PLB1: variants seen among roughly 807,000 people sequenced by gnomAD.
PLB1 encodes phospholipase B1.
In PLB1, 242 loss-of-function variants were observed where a neutral mutation model predicts 227.4. That is an observed-to-expected ratio of 1.06 (90% CI 0.96 to 1.18). PLB1 has a LOEUF of 1.18. Ranked by LOEUF, PLB1 falls within the 50% of genes most tolerant of loss-of-function variation. The pLI is 0.00. For synonymous variants in PLB1, 757 were observed against 682.2 expected (o/e 1.11, Z -1.71); for missense variants, 1,858 against 1,816.3 (o/e 1.02, Z -0.42).
chr2:28,588,526 C>T (rs1426988693), intron 26 of PLB1, among the ~76,000 whole-genome samples: 1 of 152,148 alleles, frequency 6.6e-6, no homozygotes, highest in Non-Finnish European at 1.5e-5. Context: ...ACCCCATTCA[C>T]ATTCCCAGGT....
intron 8 of PLB1, among the ~76,000 whole-genome samples, chr2:28,529,982 T>C (rs1670808438): frequency 1.3e-5 from 2 of 152,124 alleles, no homozygotes; most frequent in African/African-American, 4.8e-5. Context: ...TTTATTTTTA[T>C]TTATTTATTT....
At chr2:28,601,398 T>A (rs1407407457) in intron 37 of PLB1, 66 bp downstream of exon 37, 1 of 1,385,344 alleles carries the variant, frequency 7.2e-7, no homozygotes, top group African/African-American at 1.4e-5. Context: ...TTGGAGATCT[T>A]CCCTGAGAAC....
chr2:28,621,074 T>C (rs1686989696), intron 49 of PLB1, 96 bp downstream of exon 49: 2 of 1,002,374 alleles, frequency 2.0e-6, no homozygotes, highest in African/African-American at 3.2e-5. Context: ...AGAAGCCTGG[T>C]CCCAGGGGCA....
At chr2:28,515,450 G>T (rs1194709194) in intron 1 of PLB1, among the ~76,000 whole-genome samples, 1 of 152,150 alleles carries the variant, frequency 6.6e-6, no homozygotes, top group East Asian at 1.9e-4. Context: ...TTCCCGTCAT[G>T]TGGCCCTTTC....
intron 26 of PLB1, among the ~76,000 whole-genome samples, chr2:28,588,701 C>T (rs1019494101): frequency 1.3e-5 from 2 of 152,090 alleles, no homozygotes; most frequent in Non-Finnish European, 2.9e-5. Context: ...GATCTGAGAG[C>T]CTCAAAGAAG....
chr2:28,582,360 C>A, intron 24 of PLB1, 45 bp from the exon 25 acceptor site: 1 of 1,554,934 alleles, frequency 6.4e-7, no homozygotes, highest in Non-Finnish European at 8.8e-7. Context: ...AGGTGAAAGG[C>A]TGCCCAGCCT....
intron 9 of PLB1, 148 bp downstream of exon 9, chr2:28,532,342 ATG>A: frequency 7.5e-6 from 4 of 530,838 alleles, no homozygotes; most frequent in Non-Finnish European, 1.3e-5. Flanking sequence ...GGATGGATGG[ATG>A]GATAGATGGA....
At chr2:28,580,494 T>G (rs1477604554) in intron 23 of PLB1, among the ~76,000 whole-genome samples, 3 of 152,138 alleles carry the variant, frequency 2.0e-5, no homozygotes, top group Non-Finnish European at 4.4e-5. Context: ...GCAGGCAGAT[T>G]ACCTGAGGTC....
At position 28,530,821 on chromosome 2, in the gene PLB1, A is replaced by T. The variant is rs60845163; in HGVS notation, c.468+1042A>T. 8.0e-3 allele frequency among the ~76,000 whole-genome samples: 1,226 copies of T among 152,380 alleles called. 21 individuals are homozygous for T. The highest frequency in any genetic ancestry group is 0.028 in the African/African-American group (1,172 of 41,592). ...GAAGGTCATTCTAAGGCATATAAGG[A>T]CAGGGATTAGAGCAGGAGCTACACC... On this transcript the variant is annotated intron_variant, in intron 8 of 57. Transcript: ENST00000327757.
intron 25 of PLB1, among the ~76,000 whole-genome samples, chr2:28,583,433 C>T (rs930828000): frequency 6.6e-6 from 1 of 151,010 alleles, no homozygotes; most frequent in African/African-American, 2.5e-5. Context: ...ATCCACCCTC[C>T]TCGGCCTCCC....
chr2:28,585,691 C>T (rs773307215), intron 25 of PLB1, 70 bp from the exon 26 acceptor site: 19 of 1,244,082 alleles, frequency 1.5e-5, no homozygotes, highest in East Asian at 7.0e-5. Flanking sequence ...CTCAAGCCAG[C>T]GTTTCTGCAT....
At chr2:28,532,771 T>C (rs1297740427) in intron 9 of PLB1, among the ~76,000 whole-genome samples, 2 of 152,192 alleles carry the variant, frequency 1.3e-5, no homozygotes, top group Non-Finnish European at 2.9e-5. Flanking sequence ...TGAATTCTAT[T>C]TGTGGTGGGA....
Position 28,604,763 on chromosome 2 carries a change from T to C in PLB1, c.2961+4T>C, listed in dbSNP as rs768248390. On this transcript the variant is annotated splice_donor_region_variant and intron_variant, in intron 41 of 57. Transcript: ENST00000327757. Reference sequence around the variant, plus strand: ...CATCCAGCTCCCTGTCCTGGCGGTATGTCCCCTGCCCTCACCCATGGTACT... The same window carrying C: ...CATCCAGCTCCCTGTCCTGGCGGTACGTCCCCTGCCCTCACCCATGGTACT... The C allele has an allele frequency of 3.7e-6, 6 of 1,613,380 alleles. No homozygotes were observed. In the South Asian group the frequency reaches 6.6e-5, roughly 18 times the overall value.
At chr2:28,547,465 C>G (rs932543211) in intron 14 of PLB1, among the ~76,000 whole-genome samples, 1 of 152,234 alleles carries the variant, frequency 6.6e-6, no homozygotes, top group Admixed American at 6.5e-5. Context: ...ATCTGATTCT[C>G]TTTCAGTCTG....
chr2:28,606,044 G>A, intron 42 of PLB1, 96 bp downstream of exon 42: 1 of 937,376 alleles, frequency 1.1e-6, no homozygotes, highest in African/African-American at 1.7e-5. Context: ...AGGCTGAGGG[G>A]GCAGTGGCTG....
Position 28,511,366 on chromosome 2 carries a change from A to C in PLB1, c.56-5442A>C, listed in dbSNP as rs140457005. ...ATTCTTGTCTAGAGGGACATATAAA[A>C]ATAGGCTGTGGGCAGATTTGACTTA... is the stretch of plus-strand genomic sequence containing the variant. On this transcript the variant is annotated intron_variant, in intron 1 of 57. Coordinates refer to ENST00000327757, the MANE Select transcript of PLB1 (RefSeq NM_153021.5). Among the ~76,000 whole-genome samples the C allele has an allele frequency of 1.3e-4, 20 of 152,338 alleles. No homozygotes were observed. In the East Asian group the frequency reaches 3.7e-3, roughly 28 times the overall value.
chr2:28,624,897 A>T (rs1687533355), intron 49 of PLB1, among the ~76,000 whole-genome samples, 160 bp from the exon 50 acceptor site: 1 of 152,208 alleles, frequency 6.6e-6, no homozygotes, highest in Admixed American at 6.5e-5. Context: ...CAGGGCAGCC[A>T]TGTGATTGTT....
At chr2:28,574,381 A>ATTT (rs1678557771) in intron 21 of PLB1, among the ~76,000 whole-genome samples, 5 of 21,674 alleles carry the variant, frequency 2.3e-4, no homozygotes, top group Non-Finnish European at 3.7e-4. Flanking sequence ...CCATTATATC[A>ATTT]TTCTTTTTTT....
intron 4 of PLB1, among the ~76,000 whole-genome samples, chr2:28,524,106 G>A (rs1017356431): frequency 6.6e-6 from 1 of 152,200 alleles, no homozygotes; most frequent in African/African-American, 2.4e-5. Flanking sequence ...AGGTCTATAG[G>A]CAGGTGCTCA....
Sources: allele counts gnomAD v4.1 joint callset (sites outside exome capture counted in the v4.1 genomes callset), GRCh38; gene constraint gnomAD v4.1.1; transcripts MANE v1.5; gene names NCBI Gene and HGNC (gene_info 2026-07-23, HGNC 2026-07-21).